The following GPAT4 variants were observed in gnomAD, a reference collection of about 807,000 sequenced individuals.
GPAT4 encodes glycerol-3-phosphate acyltransferase 4.
Under a neutral mutation model 58.0 loss-of-function variants are expected in GPAT4, and 17 were observed. The observed-to-expected ratio is 0.29, with a 90% CI of 0.20 to 0.44. GPAT4 has a LOEUF of 0.44. GPAT4 is among the 20% of genes least tolerant of loss of function. The probability of loss-of-function intolerance (pLI) is 1.00; values close to 1 mark genes in which losing one functional copy is unlikely to be tolerated. For synonymous variants in GPAT4, 204 were observed against 210.1 expected (o/e 0.97, Z 0.25); for missense variants, 377 against 574.5 (o/e 0.66, Z 3.51).
At chr8:41,586,289 A>C (rs1222299226) in intron 1 of GPAT4, among the ~76,000 whole-genome samples, 2 of 152,214 alleles carry the variant, frequency 1.3e-5, no homozygotes, top group South Asian at 4.1e-4. Flanking sequence ...GTATGGATAC[A>C]CCACATTTTG....
chr8:41,618,793 T>C lies in GPAT4; in HGVS notation c.1163T>C (p.Leu388Pro). Residue 388 changes from leucine (L) to proline (P), a missense_variant, in exon 11 of 13, where the codon CTG (leucine) becomes CCG (proline). By Grantham distance (98) the Leu-to-Pro change is moderately conservative (BLOSUM62 -3). Transcript: ENST00000396987. ...SWAIVCSVWY[L>P]PPMTREADED... ...GCCATTGTCTGCAGCGTGTGGTACC[T>C]GCCTCCCATGACTAGAGAGGTGAGT... is the stretch of plus-strand genomic sequence containing the variant. 1 of 1,614,266 alleles carries C rather than the reference T, an allele frequency of 6.2e-7. No homozygotes were observed. Among genetic ancestry groups the C allele is most frequent in the Non-Finnish European group, 8.5e-7 (1 of 1,180,048 alleles).
Position 41,614,459 on chromosome 8 carries a change from G to GC in GPAT4, c.967+20dup. On this transcript the variant is annotated intron_variant, in intron 9 of 12. Transcript: ENST00000396987. Reference sequence around the variant, plus strand: ...CCCAGAAGGTAAGAAGGGGTTGGTTGCCACGAAGGGCTTCTGTGGGGAGTG... The same window carrying GC: ...CCCAGAAGGTAAGAAGGGGTTGGTTGCCCACGAAGGGCTTCTGTGGGGAGTG... 6.2e-7 allele frequency: 1 copy of GC among 1,613,374 alleles called. No individual in the cohort carries two copies. The highest frequency in any genetic ancestry group is 8.5e-7 in the Non-Finnish European group (1 of 1,179,418).
chr8:41,613,552 G>T (rs1162651026), intron 8 of GPAT4, among the ~76,000 whole-genome samples: 3 of 152,116 alleles, frequency 2.0e-5, no homozygotes, highest in Non-Finnish European at 4.4e-5. Flanking sequence ...ACCTAAGGCA[G>T]TGGAACAAAG....
chr8:41,583,503 A>G (rs1183136766), intron 1 of GPAT4, among the ~76,000 whole-genome samples: 4 of 152,188 alleles, frequency 2.6e-5, no homozygotes, highest in Non-Finnish European at 4.4e-5. Context: ...TTTTAACAAT[A>G]TATTTTATTT....
chr8:41,620,598 G>A (rs1185046373), intron 12 of GPAT4, among the ~76,000 whole-genome samples: 2 of 152,220 alleles, frequency 1.3e-5, no homozygotes, highest in Non-Finnish European at 2.9e-5. Context: ...GAAGATGAAT[G>A]TTAGAGTAGA....
intron 1 of GPAT4, among the ~76,000 whole-genome samples, chr8:41,589,911 T>C (rs1156686413): frequency 6.6e-6 from 1 of 152,222 alleles, no homozygotes; most frequent in African/African-American, 2.4e-5. Flanking sequence ...GGAAAGGAGA[T>C]GTTGCCCTGG....
intron 1 of GPAT4, among the ~76,000 whole-genome samples, chr8:41,594,233 A>G (rs1802863104): frequency 6.6e-6 from 1 of 152,330 alleles, no homozygotes; most frequent in Admixed American, 6.5e-5. Flanking sequence ...ACTTTAGCCA[A>G]TATGTTTACA....
chr8:41,604,381 T>C (rs1803197237), intron 2 of GPAT4, among the ~76,000 whole-genome samples: 1 of 152,216 alleles, frequency 6.6e-6, no homozygotes, highest in Non-Finnish European at 1.5e-5. Context: ...TGGATCAATA[T>C]CTTTTCTGTT....
At chr8:41,583,279 T>G (rs578120263) in intron 1 of GPAT4, among the ~76,000 whole-genome samples, 143 of 151,948 alleles carry the variant, frequency 9.4e-4, no homozygotes, top group African/African-American at 3.3e-3. Context: ...GTCATCCTAC[T>G]TTGCTATTGA....
chr8:41,618,494 G>A (rs1803657186), intron 10 of GPAT4, 190 bp from the exon 11 acceptor site: 1 of 698,256 alleles, frequency 1.4e-6, no homozygotes, highest in Non-Finnish European at 2.4e-6. Context: ...GGGTTCCTCG[G>A]GGGAGATCAG....
intron 2 of GPAT4, among the ~76,000 whole-genome samples, chr8:41,602,888 T>C (rs1803143873): frequency 6.6e-6 from 1 of 152,100 alleles, no homozygotes; most frequent in African/African-American, 2.4e-5. Context: ...CTCTGTGCCC[T>C]CCTGCGGCAG....
Position 41,624,947 on chromosome 8 carries a change from A to G in GPAT4, c.*3946A>G, listed in dbSNP as rs1358669386. Reference sequence around the variant, plus strand: ...ACACATCATTTCAGTACCTGCTATTAATGGTCTTTTGATAAATAATCACTT... The same window carrying G: ...ACACATCATTTCAGTACCTGCTATTGATGGTCTTTTGATAAATAATCACTT... On this transcript the variant is annotated 3_prime_UTR_variant, in exon 13 of 13. Coordinates refer to ENST00000396987, the MANE Select transcript of GPAT4 (RefSeq NM_178819.4). The G allele has an allele frequency of 6.6e-6, 1 of 152,116 alleles. No individual in the cohort carries two copies. Among genetic ancestry groups the G allele is most frequent in the African/African-American group, 2.4e-5 (1 of 41,418 alleles). The allele number at this position is 152,116 out of a possible 1,614,324, so 9.4% of individuals were successfully genotyped here.
At chr8:41,591,134 G>C (rs1802778610) in intron 1 of GPAT4, among the ~76,000 whole-genome samples, 1 of 152,128 alleles carries the variant, frequency 6.6e-6, no homozygotes, top group Non-Finnish European at 1.5e-5. Flanking sequence ...TGGGCAAGCA[G>C]GGGGTACGTG....
At chr8:41,591,537 G>A (rs919133761) in intron 1 of GPAT4, among the ~76,000 whole-genome samples, 1 of 152,204 alleles carries the variant, frequency 6.6e-6, no homozygotes, top group Non-Finnish European at 1.5e-5. Context: ...GATTCATATA[G>A]TACACTTATG....
At chr8:41,614,591 C>A in intron 9 of GPAT4, 150 bp downstream of exon 9, 1 of 774,222 alleles carries the variant, frequency 1.3e-6, no homozygotes, top group Non-Finnish European at 2.1e-6. Flanking sequence ...GGAAGTAGGA[C>A]TAAAAACTCA....
intron 2 of GPAT4, among the ~76,000 whole-genome samples, chr8:41,606,160 C>G (rs1399022016): frequency 6.6e-6 from 1 of 152,214 alleles, no homozygotes; most frequent in African/African-American, 2.4e-5. Flanking sequence ...CATTCCAGCA[C>G]ATTGAACCTG....
chr8:41,613,923 A>G (rs919315935), intron 8 of GPAT4, among the ~76,000 whole-genome samples: 3 of 152,238 alleles, frequency 2.0e-5, no homozygotes, highest in East Asian at 3.8e-4. Context: ...CTCAAAAAAT[A>G]ACACATAAGA....
At position 41,603,539 on chromosome 8, in the gene GPAT4, A is replaced by C. The variant is rs563082209; in HGVS notation, c.165+4235A>C. 7.9e-5 allele frequency among the ~76,000 whole-genome samples: 12 copies of C among 151,906 alleles called. No homozygotes were observed. In the South Asian group the frequency reaches 2.5e-3, roughly 32 times the overall value. On this transcript the variant is annotated intron_variant, in intron 2 of 12. Transcript: ENST00000396987. ...AGACTCCGTCTCAAAAAAAAAAAAA[A>C]AAAAAAAGTAATTTTGGGCCCCAGA...
At chr8:41,585,444 A>G (rs1364334204) in intron 1 of GPAT4, among the ~76,000 whole-genome samples, 2 of 152,196 alleles carry the variant, frequency 1.3e-5, no homozygotes, top group Non-Finnish European at 2.9e-5. Flanking sequence ...TAAAATGAAG[A>G]CATTGGGCTA....
Sources: allele counts gnomAD v4.1 joint callset (sites outside exome capture counted in the v4.1 genomes callset), GRCh38; gene constraint gnomAD v4.1.1; transcripts MANE v1.5; gene names NCBI Gene and HGNC (gene_info 2026-07-23, HGNC 2026-07-21).